CTNNA3: variants seen among roughly 807,000 people sequenced by gnomAD.
CTNNA3 encodes the protein catenin alpha 3.
Under a neutral mutation model 95.7 loss-of-function variants are expected in CTNNA3, and 76 were observed. The observed-to-expected ratio is 0.79, with a 90% confidence interval of 0.66 to 0.96. The LOEUF (loss-of-function observed/expected upper bound fraction) is 0.96. CTNNA3 is among the 40% of genes least tolerant of loss of function. The pLI is 0.00. For synonymous variants in CTNNA3, 431 were observed against 374.4 expected, an observed-to-expected ratio of 1.15 and a Z score of -1.74; for missense variants, 1,191 against 1,089.8, an observed-to-expected ratio of 1.09 and a Z score of -1.31.
chr10:66,195,937 G>T (rs150484529), intron 13 of CTNNA3, among the ~76,000 whole-genome samples: 1 of 151,986 alleles, frequency 6.6e-6, no homozygotes, highest in Non-Finnish European at 1.5e-5. Context: ...TAAAAATATC[G>T]ATCTATAATT....
intron 7 of CTNNA3, among the ~76,000 whole-genome samples, chr10:66,978,552 A>AAATAAAAAAATAAAAAAATATATATATAT: frequency 2.6e-5 from 1 of 37,866 alleles, no homozygotes; most frequent in Non-Finnish European, 4.8e-5. Flanking sequence ...AAAAAAAAAA[A>AAATAAAAAAATAAAAAAATATATATATAT]ATATATATAT....
chr10:66,833,991 T>C (rs1196832640), intron 7 of CTNNA3, among the ~76,000 whole-genome samples: 1 of 152,184 alleles, frequency 6.6e-6, no homozygotes, highest in Admixed American at 6.5e-5. Context: ...GCCAAAATGT[T>C]ATTGGGAAGG....
intron 14 of CTNNA3, among the ~76,000 whole-genome samples, chr10:66,092,693 GT>G (rs1489312098): frequency 6.6e-6 from 1 of 151,802 alleles, no homozygotes; most frequent in Admixed American, 6.6e-5. Context: ...TAGAACTTTG[GT>G]TTTTTTGTCC....
chr10:66,277,774 T>C (rs958277808), intron 13 of CTNNA3, among the ~76,000 whole-genome samples: 17 of 152,100 alleles, frequency 1.1e-4, no homozygotes, highest in African/African-American at 1.4e-4. Flanking sequence ...ACAGCAGCTC[T>C]GATTTTATTT....
At chr10:66,683,250 A>G (rs1847129939) in intron 9 of CTNNA3, among the ~76,000 whole-genome samples, 1 of 152,196 alleles carries the variant, frequency 6.6e-6, no homozygotes, top group African/African-American at 2.4e-5. Context: ...GCCAAACTTT[A>G]GAAGTATTCT....
intron 1 of CTNNA3, among the ~76,000 whole-genome samples, chr10:67,685,307 G>A (rs909820342): frequency 6.6e-6 from 1 of 152,200 alleles, no homozygotes; most frequent in African/African-American, 2.4e-5. Flanking sequence ...TCCTGATTCT[G>A]TAAGTACTTT....
chr10:66,057,630 A>T (rs983527362), intron 15 of CTNNA3, among the ~76,000 whole-genome samples: 1 of 152,156 alleles, frequency 6.6e-6, no homozygotes, highest in African/African-American at 2.4e-5. Flanking sequence ...AAGTAAAATA[A>T]ATGGATTATT....
chr10:66,212,623 T>A (rs1332853191), intron 13 of CTNNA3, among the ~76,000 whole-genome samples: 2 of 152,196 alleles, frequency 1.3e-5, no homozygotes, highest in Non-Finnish European at 2.9e-5. Flanking sequence ...GTAAAAGATT[T>A]TTAATTTAGT....
chr10:66,761,528 G>A (rs1839597513), intron 9 of CTNNA3, among the ~76,000 whole-genome samples: 1 of 152,078 alleles, frequency 6.6e-6, no homozygotes, highest in South Asian at 2.1e-4. Flanking sequence ...CGTTGGTAGT[G>A]ATTGTAGTGC....
chr10:67,193,709 A>G (rs115882164), intron 6 of CTNNA3, among the ~76,000 whole-genome samples: 2,590 of 152,152 alleles, frequency 0.017, 70 homozygotes, highest in African/African-American at 0.052. Context: ...CATGATATAT[A>G]TGTATGAGAT....
chr10:66,319,457 A>G (rs2092151780), intron 12 of CTNNA3, among the ~76,000 whole-genome samples: 1 of 152,108 alleles, frequency 6.6e-6, no homozygotes, highest in African/African-American at 2.4e-5. Flanking sequence ...CTTGGGTAGA[A>G]ATGCAGAGAA....
intron 5 of CTNNA3, among the ~76,000 whole-genome samples, chr10:67,473,370 C>A (rs1268786915): frequency 6.6e-6 from 1 of 152,128 alleles, no homozygotes; most frequent in African/African-American, 2.4e-5. Context: ...ATGTCTCCAC[C>A]ACACCTCCTC....
intron 7 of CTNNA3, among the ~76,000 whole-genome samples, chr10:67,005,049 C>T (rs188820170): frequency 2.6e-4 from 40 of 152,262 alleles, no homozygotes; most frequent in African/African-American, 9.4e-4. Flanking sequence ...GGAAATAGTA[C>T]ACAATGTGGG....
At chr10:66,294,011 T>G (rs908707394) in intron 12 of CTNNA3, among the ~76,000 whole-genome samples, 2 of 152,080 alleles carry the variant, frequency 1.3e-5, no homozygotes, top group African/African-American at 2.4e-5. Flanking sequence ...TCTAATAGAC[T>G]TTCATGAGAT....
Position 67,609,601 on chromosome 10 carries a change from T to C in CTNNA3, c.100-2552A>G, listed in dbSNP as rs1338276194. Among the ~76,000 whole-genome samples, 4 of 152,186 alleles carry C rather than the reference T, an allele frequency of 2.6e-5. No homozygotes were observed. The East Asian group carries it at 7.7e-4, about 29-fold the overall frequency. On this transcript the variant is annotated intron_variant, in intron 2 of 17. Coordinates refer to ENST00000433211, the MANE Select transcript of CTNNA3 (RefSeq NM_013266.4). ...TCATCACCCAGAGTGGAATGTCTTGTGGCAGGCCTTTGTTTCCTCTCTTAG... is the reference window on the plus strand; with the variant it reads ...TCATCACCCAGAGTGGAATGTCTTGCGGCAGGCCTTTGTTTCCTCTCTTAG...
At position 66,493,599 on chromosome 10, in the gene CTNNA3, AT is replaced by A. The variant is rs528761424; in HGVS notation, c.1531+27017del. On this transcript the variant is annotated intron_variant, in intron 11 of 17. Transcript: ENST00000433211. The stretch of plus-strand genomic sequence containing the variant: ...GGGTTGGCTAACATTTAACTACAGT[AT>A]TTTTTTTTTTTTTTTTTTTGAGACC... Among the ~76,000 whole-genome samples the A allele has an allele frequency of 3.4e-3, 377 of 112,008 alleles. 2 individuals are homozygous for A. The highest frequency in any genetic ancestry group is 9.4e-3 in the East Asian group (25 of 2,672). The allele number at this position is 112,008 out of a possible 152,430, so 73.5% of individuals were successfully genotyped here.
At chr10:66,542,554 C>A (rs1841893211) in intron 10 of CTNNA3, among the ~76,000 whole-genome samples, 1 of 152,076 alleles carries the variant, frequency 6.6e-6, no homozygotes, top group Non-Finnish European at 1.5e-5. Context: ...GAATACAATG[C>A]AGCCATAAAA....
intron 7 of CTNNA3, among the ~76,000 whole-genome samples, chr10:66,816,567 A>G (rs1270551629): frequency 6.6e-6 from 1 of 152,156 alleles, no homozygotes; most frequent in African/African-American, 2.4e-5. Context: ...AGAAATTTCA[A>G]CAATACCAGT....
intron 7 of CTNNA3, among the ~76,000 whole-genome samples, chr10:66,877,275 C>T (rs934498121): frequency 6.6e-6 from 1 of 152,130 alleles, no homozygotes; most frequent in South Asian, 2.1e-4. Context: ...AAACGTAATG[C>T]CAACCTCAGA....
Sources: gnomAD v4.1 joint callset for allele counts (sites outside exome capture counted in the v4.1 genomes callset) on GRCh38, gnomAD v4.1.1 for gene constraint, MANE v1.5 for transcripts, NCBI Gene and HGNC (gene_info 2026-07-23, HGNC 2026-07-21) for gene names.